Variants in RGS2 observed in about 807,000 individuals in gnomAD.
RGS2 encodes G0 to G1 switch regulatory 8, 24kD.
A neutral mutation model predicts 26.6 loss-of-function variants in RGS2; 20 were observed. That is an observed-to-expected ratio of 0.75 (90% CI 0.53 to 1.09). The LOEUF is 1.09. Among genes scored for constraint, RGS2 ranks in the 50% least tolerant of loss-of-function variants. RGS2 has a pLI of 0.00. For missense variants in RGS2, 246 were observed against 245.5 expected (o/e 1.00, Z -0.01); for synonymous variants, 97 against 79.9 (o/e 1.21, Z -1.14).
chr1:192,810,054 T>C (rs578099868), intron 1 of RGS2, 112 bp from the exon 2 acceptor site: 3 of 725,268 alleles, frequency 4.1e-6, no homozygotes, highest in African/African-American at 1.7e-5. Flanking sequence ...CTTTGCCTTA[T>C]GCGGTTTGTC....
chr1:192,809,382 G>A lies in RGS2; in HGVS notation c.110+201G>A. The A allele has an allele frequency of 1.2e-5, 7 of 598,902 alleles. 1 individual carries two copies. The South Asian group carries it at 1.3e-4, about 11-fold the overall frequency. The allele number at this position is 598,902 out of a possible 1,614,324, so 37.1% of individuals were successfully genotyped here. The stretch of plus-strand genomic sequence containing the variant: ...AGTTTAAGAACCGAGGGAGACAGTT[G>A]ATATGAGGGCGGTGGTTGATGCGCT... On this transcript the variant is annotated intron_variant, in intron 1 of 4. Transcript: ENST00000235382.
chr1:192,810,615 G>T, intron 3 of RGS2, 184 bp downstream of exon 3: 1 of 674,908 alleles, frequency 1.5e-6, no homozygotes, highest in Admixed American at 2.3e-5. Context: ...CTCTCCAGGT[G>T]GGGAAGAAAA....
chr1:192,811,879 G>A lies in RGS2; in HGVS notation c.*283G>A, dbSNP rs1241199781. 6.3e-6 allele frequency: 3 copies of A among 475,044 alleles called. No homozygotes were observed. Among genetic ancestry groups the A allele is most frequent in the South Asian group, 2.1e-5 (1 of 47,364 alleles). The allele number at this position is 475,044 out of a possible 1,614,324, so 29.4% of individuals were successfully genotyped here. On this transcript the variant is annotated 3_prime_UTR_variant, in exon 5 of 5. Transcript: ENST00000235382. ...AAAGCAGGAATGTAAGATGATGAAA[G>A]AGACAATGTAATACTGTTGGTCCAA...
Position 192,809,132 on chromosome 1 carries a change from G to C in RGS2, c.61G>C (p.Gly21Arg), listed in dbSNP as rs966247612. 2 of 1,614,152 alleles carry C rather than the reference G, an allele frequency of 1.2e-6. No individual in the cohort carries two copies. The highest frequency in any genetic ancestry group is 4.5e-5 in the East Asian group (2 of 44,874). The change falls in exon 1 of 5, where the codon GGC (glycine) becomes CGC (arginine). Residue 21 changes from glycine (G) to arginine (R), a missense_variant. By Grantham distance (125) the Gly-to-Arg change is moderately radical (BLOSUM62 -2). Transcript: ENST00000235382. ...HDCRPMDKSA[G>R]SGHKSEEKRE... is the part of the protein sequence containing the mutation. The stretch of plus-strand genomic sequence containing the variant: ...CTGCAGACCCATGGACAAGAGCGCA[G>C]GCAGTGGCCACAAGAGCGAGGAGAA...
chr1:192,810,340 G>C (rs759569562), intron 2 of RGS2, 30 bp from the exon 3 acceptor site: 2 of 1,610,944 alleles, frequency 1.2e-6, no homozygotes, highest in African/African-American at 1.3e-5. Context: ...TCTGATGTGC[G>C]TAAGCTAACA....
chr1:192,811,153 G>C lies in RGS2; in HGVS notation c.441+6G>C. The C allele has an allele frequency of 6.2e-7, 1 of 1,613,978 alleles. No homozygotes were observed. The highest frequency in any genetic ancestry group is 8.5e-7 in the Non-Finnish European group (1 of 1,179,894). On this transcript the variant is annotated splice_donor_region_variant and intron_variant, in intron 4 of 4. Coordinates refer to ENST00000235382, the MANE Select transcript of RGS2 (RefSeq NM_002923.4). ...AAAAGGAAGCTCCAAAAGAGGTAAG[G>C]AAACAAGTTCCTAATTTCAGCACAA...
Position 192,811,674 on chromosome 1 carries a change from C to A in RGS2, c.*78C>A. On this transcript the variant is annotated 3_prime_UTR_variant, in exon 5 of 5. Coordinates refer to ENST00000235382, the MANE Select transcript of RGS2 (RefSeq NM_002923.4). The stretch of plus-strand genomic sequence containing the variant: ...GAAGGACTGTGACCTGCCATAAAGA[C>A]TGACCTTGAATTCAGCCTGGGTGTT... The A allele has an allele frequency of 1.5e-6, 2 of 1,372,256 alleles. No homozygotes were observed. Among genetic ancestry groups the A allele is most frequent in the Non-Finnish European group, 2.1e-6 (2 of 959,910 alleles). The allele number at this position is 1,372,256 out of a possible 1,614,324, so 85.0% of individuals were successfully genotyped here.
rs1665597227 is a variant in RGS2 at position 192,811,789 on chromosome 1, C to T, written c.*193C>T. The T allele has an allele frequency of 3.1e-6, 2 of 639,468 alleles. No homozygotes were observed. The highest frequency in any genetic ancestry group is 5.6e-6 in the Non-Finnish European group (2 of 355,312). The allele number at this position is 639,468 out of a possible 1,614,324, so 39.6% of individuals were successfully genotyped here. On this transcript the variant is annotated 3_prime_UTR_variant, in exon 5 of 5. Transcript: ENST00000235382. ...CTAGGAGAAGCTGGTATCAGAACAGCTTCCCTCACTGTGTACAGAACGCAA... is the reference window on the plus strand; with the variant it reads ...CTAGGAGAAGCTGGTATCAGAACAGTTTCCCTCACTGTGTACAGAACGCAA...
chr1:192,811,523 G>T lies in RGS2; in HGVS notation c.563G>T (p.Arg188Leu). 1 of 1,614,024 alleles carries T rather than the reference G, an allele frequency of 6.2e-7. No individual in the cohort carries two copies. Among genetic ancestry groups the T allele is most frequent in the Non-Finnish European group, 8.5e-7 (1 of 1,179,976 alleles). ...TTGATGGAGAACAACTCTTATCCTCGTTTCTTGGAGTCAGAATTCTACCAG... is the reference window on the plus strand; with the variant it reads ...TTGATGGAGAACAACTCTTATCCTCTTTTCTTGGAGTCAGAATTCTACCAG... The part of the protein sequence containing the change: ...YSLMENNSYP[R>L]FLESEFYQDL... The change falls in exon 5 of 5, where the codon CGT becomes CTT. Residue 188 changes from arginine (R) to leucine (L), a missense_variant. Transcript: ENST00000235382.
chr1:192,810,057 G>A, intron 1 of RGS2, 109 bp from the exon 2 acceptor site: 1 of 732,136 alleles, frequency 1.4e-6, no homozygotes, highest in Non-Finnish European at 2.4e-6. Context: ...TGCCTTATGC[G>A]GTTTGTCTCT....
At chr1:192,811,224 A>G (rs1437852881) in intron 4 of RGS2, 77 bp downstream of exon 4, 23 of 1,566,716 alleles carry the variant, frequency 1.5e-5, no homozygotes, top group East Asian at 2.2e-5. Context: ...ATCAAGGACA[A>G]AGCGGGCTAG....
In RGS2 at chr1:192,811,678, C is replaced by A; in HGVS notation, c.*82C>A. 1 of 1,324,382 alleles carries A rather than the reference C, an allele frequency of 7.6e-7. No individual in the cohort carries two copies. Among genetic ancestry groups the A allele is most frequent in the Non-Finnish European group, 1.1e-6 (1 of 916,236 alleles). 82.0% of individuals were successfully genotyped at this position (1,324,382 alleles called of 1,614,324 possible). ...GACTGTGACCTGCCATAAAGACTGA[C>A]CTTGAATTCAGCCTGGGTGTTCAGG... On this transcript the variant is annotated 3_prime_UTR_variant, in exon 5 of 5. Transcript: ENST00000235382.
chr1:192,811,644 G>C lies in RGS2; in HGVS notation c.*48G>C. On this transcript the variant is annotated 3_prime_UTR_variant, in exon 5 of 5. Transcript: ENST00000235382. ...TGGAGGACATTTCATTCTTTTTCCT[G>C]AGGGGAAGGACTGTGACCTGCCATA... 1.9e-6 allele frequency: 3 copies of C among 1,560,932 alleles called. No homozygotes were observed. The highest frequency in any genetic ancestry group is 2.7e-6 in the Non-Finnish European group (3 of 1,131,688).
chr1:192,810,153 T>A lies in RGS2; in HGVS notation c.111-13T>A. ...TGCTAGTTAGTAATTATCTTTTTAATTTTTTGTTTTAGTTTAAAAGATTGG... is the reference window on the plus strand; with the variant it reads ...TGCTAGTTAGTAATTATCTTTTTAAATTTTTGTTTTAGTTTAAAAGATTGG... On this transcript the variant is annotated splice_polypyrimidine_tract_variant and intron_variant, in intron 1 of 4. Transcript: ENST00000235382. 2.0e-6 allele frequency: 3 copies of A among 1,516,820 alleles called. No homozygotes were observed. The highest frequency in any genetic ancestry group is 9.2e-7 in the Non-Finnish European group (1 of 1,091,638). 94.0% of individuals were successfully genotyped at this position (1,516,820 alleles called of 1,614,324 possible).
chr1:192,809,304 A>T (rs1250481778), intron 1 of RGS2, 123 bp downstream of exon 1: 1 of 756,328 alleles, frequency 1.3e-6, no homozygotes, highest in East Asian at 2.6e-5. Flanking sequence ...GGGAAAAAAA[A>T]TCGAAAAGGT....
chr1:192,810,446 G>C lies in RGS2; in HGVS notation c.274+15G>C, dbSNP rs1463774315. On this transcript the variant is annotated intron_variant, in intron 3 of 4. Coordinates refer to ENST00000235382, the MANE Select transcript of RGS2 (RefSeq NM_002923.4). ...AGCCAGCAAATGTAAGTTAACTCTT[G>C]AGCTTGAGCCATTGCTAACATCGCA... 2.5e-6 allele frequency: 4 copies of C among 1,613,016 alleles called. No homozygotes were observed. Among genetic ancestry groups the C allele is most frequent in the Non-Finnish European group, 3.4e-6 (4 of 1,179,238 alleles).
intron 1 of RGS2, 137 bp from the exon 2 acceptor site, chr1:192,810,029 T>C (rs1216430526): frequency 8.8e-6 from 6 of 679,124 alleles, no homozygotes; most frequent in African/African-American, 7.2e-5. Context: ...ATAAGACTTA[T>C]TTGAAGAGTT....
At position 192,811,716 on chromosome 1, in the gene RGS2, G is replaced by A; in HGVS notation, c.*120G>A. 1 of 988,492 alleles carries A rather than the reference G, an allele frequency of 1.0e-6. No individual in the cohort carries two copies. The highest frequency in any genetic ancestry group is 1.6e-6 in the Non-Finnish European group (1 of 618,648). 61.2% of individuals were successfully genotyped at this position (988,492 alleles called of 1,614,324 possible). On this transcript the variant is annotated 3_prime_UTR_variant, in exon 5 of 5. Coordinates refer to ENST00000235382, the MANE Select transcript of RGS2 (RefSeq NM_002923.4). ...CTGGGTGTTCAGGAAACATCACTCAGAACTATTGATTCAAAGTTGGGTAGT... is the reference window on the plus strand; with the variant it reads ...CTGGGTGTTCAGGAAACATCACTCAAAACTATTGATTCAAAGTTGGGTAGT...
chr1:192,811,346 A>G lies in RGS2; in HGVS notation c.442-56A>G, dbSNP rs1453183501. On this transcript the variant is annotated intron_variant, in intron 4 of 4. Transcript: ENST00000235382. ...TTTTTATTTTTTGTTTTCAAATACT[A>G]AATTTTAATCTTTAACTCTGAATAC... 3.4e-6 allele frequency: 5 copies of G among 1,463,236 alleles called. No individual in the cohort carries two copies. In the East Asian group the frequency reaches 1.1e-4, roughly 33 times the overall value. The allele number at this position is 1,463,236 out of a possible 1,614,324, so 90.6% of individuals were successfully genotyped here.
Sources: gnomAD v4.1 joint callset for allele counts on GRCh38, gnomAD v4.1.1 for gene constraint, MANE v1.5 for transcripts, NCBI Gene and HGNC (gene_info 2026-07-23, HGNC 2026-07-21) for gene names.